LARP4B: variants seen among roughly 807,000 people sequenced by gnomAD.
The protein encoded by LARP4B is la-related protein 4B.
A neutral mutation model predicts 89.8 loss-of-function variants in LARP4B; 12 were observed. The ratio of observed to expected loss-of-function variants is 0.13; its 90% CI spans 0.09 to 0.22. LARP4B has a LOEUF of 0.22. LARP4B is among the 10% of genes least tolerant of loss of function. The pLI, the probability that LARP4B is intolerant of heterozygous loss-of-function variation, is 1.00. For missense variants in LARP4B, 757 were observed against 947.7 expected (o/e 0.80, Z 2.64); for synonymous variants, 367 against 363.3 (o/e 1.01, Z -0.12).
chr10:918,271 T>C (rs966604025), intron 1 of LARP4B, among the ~76,000 whole-genome samples: 2 of 152,194 alleles, frequency 1.3e-5, no homozygotes, highest in Middle Eastern at 3.2e-3. Flanking sequence ...GTTGCAATCA[T>C]CATGCTTGGC....
At chr10:942,855 TG>T in the LARP4B span, 1 of 151,952 alleles carries the variant, frequency 6.6e-6, no homozygotes, top group African/African-American at 2.4e-5. Flanking sequence ...GAGGCCCACA[TG>T]GAGAGGAGCC....
chr10:833,352 T>A lies in LARP4B; in HGVS notation c.751-2375A>T, dbSNP rs867515423. On this transcript the variant is annotated intron_variant, in intron 8 of 17. Coordinates refer to ENST00000316157, the MANE Select transcript of LARP4B (RefSeq NM_015155.3). ...GCATACAAAGCCGTCCTGGGCGGCA[T>A]GCCGCCCACGGGCTGAAGAAGCATG... Among the ~76,000 whole-genome samples the A allele has an allele frequency of 4.9e-5, 7 of 143,294 alleles. 1 individual carries two copies. The highest frequency in any genetic ancestry group is 4.7e-4 in the South Asian group (2 of 4,230). 94.0% of individuals were successfully genotyped at this position (143,294 alleles called of 152,430 possible).
At chr10:820,184 T>A (rs1474214882) in intron 14 of LARP4B, 1 of 152,458 alleles carries the variant, frequency 6.6e-6, no homozygotes, top group Non-Finnish European at 1.5e-5. Flanking sequence ...GAGAAGTCCA[T>A]GCCATCCTCC....
chr10:897,344 G>A (rs1186015629), intron 1 of LARP4B, among the ~76,000 whole-genome samples: 1 of 152,124 alleles, frequency 6.6e-6, no homozygotes, highest in Admixed American at 6.5e-5. Flanking sequence ...ATGAAGCTGG[G>A]CTCCTACCTC....
At chr10:881,377 C>T (rs902640350) in intron 3 of LARP4B, among the ~76,000 whole-genome samples, 2 of 152,218 alleles carry the variant, frequency 1.3e-5, no homozygotes, top group Non-Finnish European at 2.9e-5. Context: ...CTGGCTTTTG[C>T]TCCTATCAGT....
intron 5 of LARP4B, among the ~76,000 whole-genome samples, chr10:857,115 A>C (rs1834343667): frequency 6.6e-6 from 1 of 152,148 alleles, no homozygotes; most frequent in African/African-American, 2.4e-5. Context: ...GCTCTCAAGA[A>C]AGTTACAAGG....
chr10:939,795 T>C, the LARP4B span, among the ~76,000 whole-genome samples: 8 of 152,342 alleles, frequency 5.3e-5, no homozygotes, highest in Admixed American at 5.2e-4. Context: ...CCTGGAGAAC[T>C]GGCAAAGTGG....
chr10:892,286 T>C (rs1426598343), intron 1 of LARP4B, among the ~76,000 whole-genome samples: 1 of 152,236 alleles, frequency 6.6e-6, no homozygotes, highest in Non-Finnish European at 1.5e-5. Flanking sequence ...TAGTAACACA[T>C]TTTTAACCTC....
intron 3 of LARP4B, among the ~76,000 whole-genome samples, chr10:876,315 T>C (rs1835449989): frequency 6.6e-6 from 1 of 151,792 alleles, no homozygotes; most frequent in Non-Finnish European, 1.5e-5. Context: ...ACCCAGCGGG[T>C]CAGAGGCTGC....
At chr10:926,774 C>T (rs1455000807) in intron 1 of LARP4B, among the ~76,000 whole-genome samples, 6 of 152,332 alleles carry the variant, frequency 3.9e-5, no homozygotes, top group East Asian at 1.9e-4. Flanking sequence ...CAGTGGCTCA[C>T]GCCTGTAATC....
At chr10:922,201 T>C (rs1216480303) in intron 1 of LARP4B, among the ~76,000 whole-genome samples, 2 of 152,300 alleles carry the variant, frequency 1.3e-5, no homozygotes, top group East Asian at 1.9e-4. Flanking sequence ...CAGTGCACAG[T>C]AGGATTTGAG....
intron 3 of LARP4B, among the ~76,000 whole-genome samples, chr10:868,778 T>G (rs1362196841): frequency 6.6e-6 from 1 of 152,234 alleles, no homozygotes; most frequent in Non-Finnish European, 1.5e-5. Context: ...TTCCTTACAC[T>G]ACAGAAGGGG....
intron 5 of LARP4B, among the ~76,000 whole-genome samples, chr10:845,359 T>G (rs1268097913): frequency 1.3e-5 from 2 of 152,136 alleles, no homozygotes; most frequent in Non-Finnish European, 2.9e-5. Flanking sequence ...CTTGTCTCAC[T>G]GCAAAAAGAA....
At chr10:904,827 G>C (rs937592537) in intron 1 of LARP4B, among the ~76,000 whole-genome samples, 2 of 152,176 alleles carry the variant, frequency 1.3e-5, no homozygotes, top group Admixed American at 1.3e-4. Flanking sequence ...ATGCGAGCAA[G>C]GGTAAGAAGA....
At chr10:919,530 AT>A (rs1836923397) in intron 1 of LARP4B, among the ~76,000 whole-genome samples, 1 of 152,196 alleles carries the variant, frequency 6.6e-6, no homozygotes, top group Non-Finnish European at 1.5e-5. Flanking sequence ...AATCCTCTGA[AT>A]TACAAGTCCA....
chr10:821,639 G>T (rs1832357728), intron 13 of LARP4B, among the ~76,000 whole-genome samples: 1 of 152,232 alleles, frequency 6.6e-6, no homozygotes, highest in Non-Finnish European at 1.5e-5. Context: ...CAAGGGCCTT[G>T]TATTACATAA....
chr10:923,174 T>C (rs767920752), intron 1 of LARP4B, among the ~76,000 whole-genome samples: 1 of 152,186 alleles, frequency 6.6e-6, no homozygotes, highest in Non-Finnish European at 1.5e-5. Flanking sequence ...ATGCCAGTGT[T>C]CTATCCGTGG....
At chr10:826,511 T>C (rs1291934728) in intron 11 of LARP4B, among the ~76,000 whole-genome samples, 1 of 152,224 alleles carries the variant, frequency 6.6e-6, no homozygotes, top group Non-Finnish European at 1.5e-5. Flanking sequence ...ATATTGAGCA[T>C]AGAATTTTAA....
chr10:912,350 A>G (rs1419319802), intron 1 of LARP4B, among the ~76,000 whole-genome samples: 1 of 152,180 alleles, frequency 6.6e-6, no homozygotes, highest in Admixed American at 6.5e-5. Flanking sequence ...TACTGTTTTA[A>G]GAACATTTAC....
Sources: allele counts gnomAD v4.1 joint callset (sites outside exome capture counted in the v4.1 genomes callset), GRCh38; gene constraint gnomAD v4.1.1; transcripts MANE v1.5; gene names NCBI Gene and HGNC (gene_info 2026-07-23, HGNC 2026-07-21).